Variants in TMEM44 observed in about 807,000 individuals in gnomAD.
The protein encoded by TMEM44 is transmembrane protein 44.
TMEM44 carries 43 observed loss-of-function variants against 47.8 expected under a neutral mutation model. The ratio of observed to expected loss-of-function variants is 0.90; its 90% CI spans 0.70 to 1.16. TMEM44 has a LOEUF of 1.16. Among genes scored for constraint, TMEM44 ranks in the 50% most tolerant of loss-of-function variants. TMEM44 has a pLI of 0.00. For missense variants in TMEM44, 568 were observed against 555.2 expected (o/e 1.02, Z -0.23); for synonymous variants, 277 against 238.8 (o/e 1.16, Z -1.48).
intron 1 of TMEM44, among the ~76,000 whole-genome samples, chr3:194,631,539 T>A (rs1012175406): frequency 6.6e-6 from 1 of 152,162 alleles, no homozygotes; most frequent in Non-Finnish European, 1.5e-5. Context: ...CTAAAACCAA[T>A]TGAAGACCAA....
At chr3:194,604,876 G>A (rs1228245752) in intron 8 of TMEM44, among the ~76,000 whole-genome samples, 2 of 152,154 alleles carry the variant, frequency 1.3e-5, no homozygotes, top group Non-Finnish European at 2.9e-5. Context: ...TCTTGCTTTT[G>A]CAATCAATAC....
At chr3:194,631,074 G>A (rs1023041963) in intron 1 of TMEM44, among the ~76,000 whole-genome samples, 4 of 148,478 alleles carry the variant, frequency 2.7e-5, no homozygotes, top group African/African-American at 7.5e-5. Context: ...ATACGTTGTC[G>A]CACGTGCCTC....
At chr3:194,617,733 C>T (rs1163115217) in intron 5 of TMEM44, 8 of 703,906 alleles carry the variant, frequency 1.1e-5, no homozygotes, top group Non-Finnish European at 1.8e-5. Flanking sequence ...TTGTCCCCGC[C>T]AGATCTCATG....
At chr3:194,616,159 C>A (rs902825748) in intron 6 of TMEM44, among the ~76,000 whole-genome samples, 2 of 152,006 alleles carry the variant, frequency 1.3e-5, no homozygotes, top group Admixed American at 6.6e-5. Flanking sequence ...TCAAGCGATT[C>A]TCTCGCCTCA....
intron 1 of TMEM44, among the ~76,000 whole-genome samples, chr3:194,629,140 G>C (rs563550815): frequency 6.6e-6 from 1 of 151,846 alleles, no homozygotes; most frequent in Admixed American, 6.6e-5. Context: ...CTCCAGCCTG[G>C]GTGACAAAGC....
intron 9 of TMEM44, among the ~76,000 whole-genome samples, chr3:194,603,912 G>A (rs1424777825): frequency 1.3e-5 from 2 of 151,808 alleles, no homozygotes; most frequent in Admixed American, 1.3e-4. Flanking sequence ...AAAGTGCAAT[G>A]GCGCAATCTC....
rs1716635769 is a variant in TMEM44 at position 194,622,336 on chromosome 3, G to A, written c.612+888C>T. 3.3e-5 allele frequency among the ~76,000 whole-genome samples: 5 copies of A among 152,204 alleles called. No individual in the cohort carries two copies. In the South Asian group the frequency reaches 1.0e-3, roughly 32 times the overall value. On this transcript the variant is annotated intron_variant, in intron 5 of 9. Coordinates refer to ENST00000347147, the MANE Select transcript of TMEM44 (RefSeq NM_001011655.3). The stretch of plus-strand genomic sequence containing the variant: ...ACCCTTGCTCATTTGAAGAGCGTAG[G>A]AGCCTTCTCTCTCTTCTGAAACCCC...
chr3:194,621,892 A>G (rs790000), intron 5 of TMEM44, among the ~76,000 whole-genome samples: 137,276 of 152,198 alleles, frequency 0.9, 61,987 homozygotes, highest in East Asian at 0.97. Context: ...TTGTATTTTT[A>G]GTAGAGACGG....
At position 194,633,353 on chromosome 3, in the gene TMEM44, A is replaced by C; in HGVS notation, c.-138T>G. On this transcript the variant is annotated 5_prime_UTR_variant, in exon 1 of 10. Transcript: ENST00000347147. ...GCGGCGCCTCCGGCCGAGCGCACCG[A>C]CCGCGGGCAGAGAAGGGCGCGCTCC... 6.6e-6 allele frequency: 2 copies of C among 302,780 alleles called. No individual in the cohort carries two copies. Among genetic ancestry groups the C allele is most frequent in the Non-Finnish European group, 9.8e-6 (2 of 204,460 alleles). The allele number at this position is 302,780 out of a possible 1,614,324, so 18.8% of individuals were successfully genotyped here. A position where few individuals can be genotyped will look rare whatever the true frequency, so the allele number is the denominator to read the frequency against.
At chr3:194,618,325 C>G (rs974694809) in intron 5 of TMEM44, among the ~76,000 whole-genome samples, 5 of 151,642 alleles carry the variant, frequency 3.3e-5, no homozygotes, top group Admixed American at 6.6e-5. Flanking sequence ...ATGTAAGCAG[C>G]CTTTATATAC....
At chr3:194,594,056 C>T (rs994818247) in intron 9 of TMEM44, among the ~76,000 whole-genome samples, 2 of 152,102 alleles carry the variant, frequency 1.3e-5, no homozygotes, top group African/African-American at 4.8e-5. Flanking sequence ...AAGCAATCCT[C>T]CCACCCTGGC....
chr3:194,633,211 C>T lies in TMEM44; in HGVS notation c.5G>A (p.Gly2Glu), dbSNP rs1718024295. 1.4e-6 allele frequency: 2 copies of T among 1,434,434 alleles called. No individual in the cohort carries two copies. Among genetic ancestry groups the T allele is most frequent in the African/African-American group, 1.5e-5 (1 of 66,406 alleles). The allele number at this position is 1,434,434 out of a possible 1,614,324, so 88.9% of individuals were successfully genotyped here. A position where few individuals can be genotyped will look rare whatever the true frequency, so the allele number is the denominator to read the frequency against. The change falls in exon 1 of 10, where the codon GGG (glycine) becomes GAG (glutamate). Residue 2 changes from glycine to glutamate, a missense_variant. Gly to Glu is a moderately conservative substitution (Grantham distance 98). Coordinates refer to ENST00000347147, the MANE Select transcript of TMEM44 (RefSeq NM_001011655.3). Reference sequence around the variant, plus strand: ...CGCGGGCGCGGGGCTGGGCGCCTCCCCCATGGCGCGGCTGGGCGCGCGGCG... The same window carrying T: ...CGCGGGCGCGGGGCTGGGCGCCTCCTCCATGGCGCGGCTGGGCGCGCGGCG... M[G>E]EAPSPAPALW...
At chr3:194,594,799 CA>C (rs1433302003) in intron 9 of TMEM44, among the ~76,000 whole-genome samples, 1 of 152,154 alleles carries the variant, frequency 6.6e-6, no homozygotes, top group African/African-American at 2.4e-5. Flanking sequence ...TCGAGTCTCC[CA>C]GCTGTGCTGA....
intron 2 of TMEM44, 27 bp from the exon 3 acceptor site, chr3:194,626,017 G>C: frequency 6.5e-7 from 1 of 1,548,166 alleles, no homozygotes; most frequent in Non-Finnish European, 8.9e-7. Flanking sequence ...AGAGAGTCTT[G>C]GCATTCAAGC....
intron 9 of TMEM44, among the ~76,000 whole-genome samples, chr3:194,599,591 T>C (rs113440046): frequency 2.2e-4 from 13 of 58,532 alleles, no homozygotes; most frequent in Admixed American, 7.0e-4. Flanking sequence ...CTTTTCTTTT[T>C]TTTTTTTTTT....
At chr3:194,631,643 G>A (rs999258314) in intron 1 of TMEM44, among the ~76,000 whole-genome samples, 3 of 152,156 alleles carry the variant, frequency 2.0e-5, no homozygotes, top group Non-Finnish European at 4.4e-5. Context: ...CAAAACTGAG[G>A]CCTCTGGTGA....
rs1388957646 is a variant in TMEM44 at position 194,633,412 on chromosome 3, A to G, written c.-197T>C. The G allele has an allele frequency of 1.2e-5, 2 of 164,260 alleles. No individual in the cohort carries two copies. The highest frequency in any genetic ancestry group is 2.5e-5 in the Non-Finnish European group (2 of 78,634). 10.2% of individuals were successfully genotyped at this position (164,260 alleles called of 1,614,324 possible). ...GGCGGCGGCGGCGAAGGCGCCGGGGAAAAGTTTCCGGGACCGCGCGCTCCC... is the reference window on the plus strand; with the variant it reads ...GGCGGCGGCGGCGAAGGCGCCGGGGGAAAGTTTCCGGGACCGCGCGCTCCC... On this transcript the variant is annotated 5_prime_UTR_variant, in exon 1 of 10. Coordinates refer to ENST00000347147, the MANE Select transcript of TMEM44 (RefSeq NM_001011655.3).
intron 7 of TMEM44, among the ~76,000 whole-genome samples, chr3:194,614,893 T>C (rs1357433411): frequency 6.6e-6 from 1 of 152,206 alleles, no homozygotes; most frequent in Non-Finnish European, 1.5e-5. Flanking sequence ...CGGAGGATCC[T>C]ATGGCATTCA....
chr3:194,605,725 C>T (rs1714706617), intron 8 of TMEM44, among the ~76,000 whole-genome samples: 1 of 152,172 alleles, frequency 6.6e-6, no homozygotes, highest in African/African-American at 2.4e-5. Context: ...ACCACATCAC[C>T]TAAGAAAGAA....
Sources: allele counts gnomAD v4.1 joint callset (sites outside exome capture counted in the v4.1 genomes callset), GRCh38; gene constraint gnomAD v4.1.1; transcripts MANE v1.5; gene names NCBI Gene and HGNC (gene_info 2026-07-23, HGNC 2026-07-21).